Variants in MME observed in about 807,000 individuals in gnomAD.
The protein encoded by MME is membrane metalloendopeptidase.
A neutral mutation model predicts 113.2 loss-of-function variants in MME; 98 were observed. The observed-to-expected ratio is 0.87, with a 90% CI of 0.74 to 1.02. The LOEUF (loss-of-function observed/expected upper bound fraction) is 1.02, where lower values mean the gene tolerates loss of function less well. Ranked by LOEUF, MME falls within the 50% of genes least tolerant of loss-of-function variation. The pLI is 0.00. For missense variants in MME, 836 were observed against 896.0 expected (o/e 0.93, Z 0.86); for synonymous variants, 292 against 300.6 (o/e 0.97, Z 0.30).
At position 155,055,008 on chromosome 3, in the gene MME, TC is replaced by T. The variant is rs1713879436; in HGVS notation, c.-10-29149del. Among the ~76,000 whole-genome samples, 3 of 152,196 alleles carry T rather than the reference TC, an allele frequency of 2.0e-5. 1 individual carries two copies. In the South Asian group the frequency reaches 6.2e-4, roughly 31 times the overall value. ...CCACCTTGAAAAATTGTTTGGAGCATCTATCTATATGTATGGTAATATATCA... is the reference window on the plus strand; with the variant it reads ...CCACCTTGAAAAATTGTTTGGAGCATTATCTATATGTATGGTAATATATCA... On this transcript the variant is annotated intron_variant, in intron 1 of 22. Transcript: ENST00000492661.
intron 1 of MME, among the ~76,000 whole-genome samples, chr3:155,035,471 T>C (rs1713098801): frequency 6.6e-6 from 1 of 152,070 alleles, no homozygotes; most frequent in Non-Finnish European, 1.5e-5. Flanking sequence ...AGTTAAGATA[T>C]TCTGGGAGTT....
chr3:155,129,885 A>T (rs1720001078), intron 8 of MME, among the ~76,000 whole-genome samples: 1 of 152,216 alleles, frequency 6.6e-6, no homozygotes, highest in African/African-American at 2.4e-5. Flanking sequence ...AGTGAAACCA[A>T]CCAGCAACCT....
At chr3:155,175,311 G>A (rs1371398125) in intron 22 of MME, among the ~76,000 whole-genome samples, 1 of 151,644 alleles carries the variant, frequency 6.6e-6, no homozygotes. Context: ...TCCTATTATT[G>A]TATTGCCTGC....
intron 3 of MME, among the ~76,000 whole-genome samples, chr3:155,102,889 C>T (rs762098434): frequency 1.3e-5 from 2 of 152,180 alleles, no homozygotes; most frequent in African/African-American, 2.4e-5. Flanking sequence ...AGAGGGTAGC[C>T]TACCTGTCCA....
chr3:155,081,468 C>G (rs1715138271), intron 1 of MME: 1 of 152,172 alleles, frequency 6.6e-6, no homozygotes. Context: ...CTTAGACCTC[C>G]TAATTCTCTA....
intron 1 of MME, among the ~76,000 whole-genome samples, chr3:155,042,400 G>A (rs1713351677): frequency 1.3e-5 from 2 of 152,130 alleles, no homozygotes; most frequent in Non-Finnish European, 2.9e-5. Context: ...GTCATGCCCA[G>A]TCTTTCTCCT....
Position 155,142,035 on chromosome 3 carries a change from G to A in MME, c.1002G>A (p.Val334=), listed in dbSNP as rs1443008818. Residue 334 remains valine, a synonymous_variant, in exon 11 of 23, where the codon GTG becomes GTA. Transcript: ENST00000360490. ...TCACAAATGAAATCATGTCAACTGT[G>A]AATATTAGTATTACAAATGAGGAAG... ...LNFTNEIMST[V]NISITNEEDV... The A allele has an allele frequency of 6.2e-7, 1 of 1,613,576 alleles. No homozygotes were observed. Among genetic ancestry groups the A allele is most frequent in the Non-Finnish European group, 8.5e-7 (1 of 1,179,660 alleles).
intron 17 of MME, among the ~76,000 whole-genome samples, chr3:155,162,355 T>C (rs1005467615): frequency 1.3e-5 from 2 of 152,100 alleles, no homozygotes; most frequent in Admixed American, 1.3e-4. Flanking sequence ...TCATTTTGAG[T>C]ATAATGTCTT....
At chr3:155,124,242 G>A (rs1048874781) in intron 8 of MME, among the ~76,000 whole-genome samples, 4 of 151,838 alleles carry the variant, frequency 2.6e-5, no homozygotes, top group African/African-American at 9.7e-5. Flanking sequence ...TCTTCACGTA[G>A]TTCTCAAGCC....
At chr3:155,156,181 G>A (rs1436828296) in intron 16 of MME, among the ~76,000 whole-genome samples, 1 of 152,136 alleles carries the variant, frequency 6.6e-6, no homozygotes, top group Non-Finnish European at 1.5e-5. Context: ...CAGGGGGTGA[G>A]GGGAGTAGAC....
rs201420161 is a variant in MME at position 155,183,249 on chromosome 3, A to G, written c.*2790A>G. ...CACTCCTGACAGGGTGACCTTGGGT[A>G]TTTGCAATATTCCTTTGGGCCTCTG... On this transcript the variant is annotated 3_prime_UTR_variant, in exon 23 of 23. Transcript: ENST00000360490. The G allele has an allele frequency of 3.9e-5, 6 of 152,166 alleles. No homozygotes were observed. The highest frequency in any genetic ancestry group is 1.3e-4 in the Admixed American group (2 of 15,262). 9.4% of individuals were successfully genotyped at this position (152,166 alleles called of 1,614,324 possible).
chr3:155,048,561 C>T (rs922359998), intron 1 of MME, among the ~76,000 whole-genome samples: 7 of 152,086 alleles, frequency 4.6e-5, no homozygotes, highest in African/African-American at 1.7e-4. Context: ...TTCATCAGAG[C>T]TCTAGAGACT....
In MME at chr3:155,116,478, G is replaced by T; in HGVS notation, c.359-1G>T. On this transcript the variant is annotated splice_acceptor_variant, in intron 4 of 22. Transcript: ENST00000360490. LOFTEE classifies it high-confidence loss of function. ...GCATTTTATTAAATGTCCTATTTCAGATGTCCTTCAAGAACCCAAAACTGA... is the reference window on the plus strand; with the variant it reads ...GCATTTTATTAAATGTCCTATTTCATATGTCCTTCAAGAACCCAAAACTGA... 1 of 1,600,060 alleles carries T rather than the reference G, an allele frequency of 6.2e-7. No homozygotes were observed. The highest frequency in any genetic ancestry group is 8.6e-7 in the Non-Finnish European group (1 of 1,167,612).
chr3:155,148,532 A>AT lies in MME; in HGVS notation c.1498-17dup. Reference sequence around the variant, plus strand: ...TACCGGTTTTAATATTTCTTCCCAAATCTTCTTTATAATACAGTTGAACTA... The same window carrying AT: ...TACCGGTTTTAATATTTCTTCCCAAATTCTTCTTTATAATACAGTTGAACTA... On this transcript the variant is annotated splice_polypyrimidine_tract_variant and intron_variant, in intron 15 of 22. Coordinates refer to ENST00000360490, the MANE Select transcript of MME (RefSeq NM_007289.4). 1 of 1,538,558 alleles carries AT rather than the reference A, an allele frequency of 6.5e-7. No homozygotes were observed. The highest frequency in any genetic ancestry group is 9.0e-7 in the Non-Finnish European group (1 of 1,113,436).
At chr3:155,061,703 C>T (rs1170581085) in intron 1 of MME, among the ~76,000 whole-genome samples, 11 of 148,056 alleles carry the variant, frequency 7.4e-5, no homozygotes, top group Non-Finnish European at 1.0e-4. Context: ...GCTCTGTTGC[C>T]GAGGCTGGAG....
chr3:155,093,501 A>G (rs909675543), intron 3 of MME, among the ~76,000 whole-genome samples: 2 of 152,148 alleles, frequency 1.3e-5, no homozygotes, highest in Admixed American at 1.3e-4. Flanking sequence ...GCTTCTGGAA[A>G]AATGTGTTGG....
At chr3:155,096,241 A>AT (rs751304334) in intron 3 of MME, among the ~76,000 whole-genome samples, 5 of 152,184 alleles carry the variant, frequency 3.3e-5, no homozygotes, top group Non-Finnish European at 7.3e-5. Flanking sequence ...CATCTAAGGG[A>AT]TTTTAAATAG....
intron 1 of MME, among the ~76,000 whole-genome samples, chr3:155,064,284 G>C (rs1195890833): frequency 6.6e-6 from 1 of 151,846 alleles, no homozygotes; most frequent in Non-Finnish European, 1.5e-5. Context: ...GTGAGACTCT[G>C]TCTCAAAAAA....
At chr3:155,115,836 T>C (rs1217555739) in intron 4 of MME, among the ~76,000 whole-genome samples, 1 of 152,218 alleles carries the variant, frequency 6.6e-6, no homozygotes, top group African/African-American at 2.4e-5. Flanking sequence ...TACTGTAAGA[T>C]GTTACTAAGA....
Sources: allele counts gnomAD v4.1 joint callset (sites outside exome capture counted in the v4.1 genomes callset), GRCh38; gene constraint gnomAD v4.1.1; transcripts MANE v1.5; gene names NCBI Gene and HGNC (gene_info 2026-07-23, HGNC 2026-07-21).